GLIS3: variants seen among roughly 807,000 people sequenced by gnomAD.
The protein encoded by GLIS3 is GLIS family zinc finger 3.
GLIS3 carries 53 observed loss-of-function variants against 78.6 expected under a neutral mutation model. The ratio of observed to expected loss-of-function variants is 0.67; its 90% CI spans 0.54 to 0.85. GLIS3 has a LOEUF of 0.85. Ranked by LOEUF, GLIS3 falls within the 40% of genes least tolerant of loss-of-function variation. The pLI is 0.00. For missense variants in GLIS3, 1,703 were observed against 1,231.1 expected (o/e 1.38, Z -5.74); for synonymous variants, 684 against 509.9 (o/e 1.34, Z -4.60).
rs115064748 is a variant in GLIS3 at position 3,942,305 on chromosome 9, A to G, written c.1711-5116T>C. 9.2e-3 allele frequency among the ~76,000 whole-genome samples: 1,408 copies of G among 152,298 alleles called. 21 individuals carry two copies. Among genetic ancestry groups the G allele is most frequent in the African/African-American group, 0.033 (1,359 of 41,562 alleles). ...GGTACACACTTTCACAATTCCATCA[A>G]TTAAGACCAATTAATCCCATTAGTG... On this transcript the variant is annotated intron_variant, in intron 4 of 10. Transcript: ENST00000381971.
chr9:3,920,118 C>T (rs1824782741), intron 6 of GLIS3, among the ~76,000 whole-genome samples: 1 of 151,508 alleles, frequency 6.6e-6, no homozygotes, highest in Non-Finnish European at 1.5e-5. Context: ...ATTCTCCCGC[C>T]TCAGCCTCCT....
intron 2 of GLIS3, among the ~76,000 whole-genome samples, chr9:4,249,289 T>C (rs1339869924): frequency 6.6e-6 from 1 of 152,236 alleles, no homozygotes; most frequent in Non-Finnish European, 1.5e-5. Flanking sequence ...GTGTCCTCTC[T>C]TATTTCTTTG....
intron 4 of GLIS3, among the ~76,000 whole-genome samples, 196 bp downstream of exon 4, chr9:4,117,572 G>A (rs1041005172): frequency 1.3e-5 from 2 of 152,136 alleles, no homozygotes; most frequent in African/African-American, 2.4e-5. Flanking sequence ...TACCTTTGCA[G>A]AAGGAAATAT....
intron 4 of GLIS3, among the ~76,000 whole-genome samples, chr9:3,990,309 G>C (rs1236791913): frequency 6.6e-6 from 1 of 152,174 alleles, no homozygotes; most frequent in African/African-American, 2.4e-5. Flanking sequence ...GAGGAAGGGA[G>C]ATGCTAGCAA....
chr9:4,487,151 C>A, the GLIS3 span, among the ~76,000 whole-genome samples: 4 of 152,136 alleles, frequency 2.6e-5, no homozygotes, highest in Non-Finnish European at 5.9e-5. Flanking sequence ...AGGCACCCGC[C>A]ACCACGCCTG....
At chr9:4,296,932 T>G (rs559043596) in intron 1 of GLIS3, among the ~76,000 whole-genome samples, 119 of 139,202 alleles carry the variant, frequency 8.5e-4, no homozygotes, top group African/African-American at 3.1e-3. Context: ...AAAAAATGCA[T>G]ATAATCTAAC....
rs543716577 is a variant in GLIS3, at chr9:3,828,551, T to A, written c.2657-143A>T. The stretch of plus-strand genomic sequence containing the variant: ...GCCAGCCTGGGCCCTATAGTGAGTC[T>A]CTGTTTCCAGCGACCTTAGTGAGGG... On this transcript the variant is annotated intron_variant, in intron 10 of 10. Coordinates refer to ENST00000381971, the MANE Select transcript of GLIS3 (RefSeq NM_001042413.2). 4.8e-6 allele frequency: 5 copies of A among 1,048,222 alleles called. No homozygotes were observed. In the East Asian group the frequency reaches 7.7e-5, roughly 16 times the overall value. 64.9% of individuals were successfully genotyped at this position (1,048,222 alleles called of 1,614,324 possible). A position where few individuals can be genotyped will look rare whatever the true frequency, so the allele number is the denominator to read the frequency against.
At chr9:3,946,557 A>T (rs61094894) in intron 4 of GLIS3, among the ~76,000 whole-genome samples, 11,719 of 152,280 alleles carry the variant, frequency 0.077, 572 homozygotes, top group African/African-American at 0.13. Flanking sequence ...GTATCTTTAA[A>T]TATTTGAATA....
At chr9:4,241,667 TTTTTTTG>T (rs941269625) in intron 2 of GLIS3, among the ~76,000 whole-genome samples, 1 of 150,026 alleles carries the variant, frequency 6.7e-6, no homozygotes, top group Admixed American at 6.6e-5. Context: ...ACACTTGTGC[TTTTTTTG>T]TTTTTTGTTT....
At chr9:3,966,192 G>C (rs944816899) in intron 4 of GLIS3, among the ~76,000 whole-genome samples, 5 of 152,172 alleles carry the variant, frequency 3.3e-5, no homozygotes, top group Admixed American at 2.6e-4. Context: ...GGCACATACT[G>C]AATGCTCACT....
intron 2 of GLIS3, among the ~76,000 whole-genome samples, chr9:4,153,787 A>G (rs2380940): frequency 1.5e-4 from 23 of 152,244 alleles, no homozygotes; most frequent in Admixed American, 5.2e-4. Context: ...TGACTTGTAT[A>G]CATGTTCTGA....
chr9:4,238,761 G>A (rs1431093970), intron 2 of GLIS3, among the ~76,000 whole-genome samples: 2 of 152,014 alleles, frequency 1.3e-5, no homozygotes, highest in Non-Finnish European at 2.9e-5. Flanking sequence ...TCCAGAGTTG[G>A]CTTTAATTAA....
At chr9:4,489,607 A>C in the GLIS3 span, among the ~76,000 whole-genome samples, 6 of 152,152 alleles carry the variant, frequency 3.9e-5, no homozygotes, top group African/African-American at 1.4e-4. Context: ...AGCAACACCA[A>C]ATATATTTGG....
Position 4,118,672 on chromosome 9 carries a change from A to T in GLIS3, c.806T>A (p.Leu269Ter). Residue 269 changes from leucine to a stop codon, truncating the protein, a stop_gained, in exon 4 of 11, where the codon TTA (leucine) becomes TAA (stop). Coordinates refer to ENST00000381971, the MANE Select transcript of GLIS3 (RefSeq NM_001042413.2). LOFTEE classifies it high-confidence loss of function. The surrounding 1 kb of genome is among the most constrained non-coding windows in gnomAD (Gnocchi z 4.7). ...SMSSNSVSNS[L>*]PSYLFGTESS... ...TTCCGTGCCAAAAAGGTAGGATGGT[A>T]ATGAGTTAGAGACACTATTGCTGGA... is the stretch of plus-strand genomic sequence containing the variant. The T allele has an allele frequency of 6.2e-7, 1 of 1,614,158 alleles. No individual in the cohort carries two copies. Among genetic ancestry groups the T allele is most frequent in the Non-Finnish European group, 8.5e-7 (1 of 1,180,014 alleles).
At chr9:4,165,733 A>C (rs1179761485) in intron 2 of GLIS3, among the ~76,000 whole-genome samples, 1 of 152,200 alleles carries the variant, frequency 6.6e-6, no homozygotes, top group Non-Finnish European at 1.5e-5. Flanking sequence ...AGAACTACAA[A>C]TATACAGTTG....
At chr9:4,425,095 C>T in the GLIS3 span, among the ~76,000 whole-genome samples, 75 of 152,066 alleles carry the variant, frequency 4.9e-4, no homozygotes, top group African/African-American at 1.6e-3. Flanking sequence ...AAGCAGCCCC[C>T]GAAGTTTAGA....
At chr9:4,348,604 T>C (rs1335417385), upstream of GLIS3, among the ~76,000 whole-genome samples, 1 of 152,206 alleles carries the variant, frequency 6.6e-6, no homozygotes, top group Non-Finnish European at 1.5e-5. Context: ...CATTTAAATA[T>C]GGGTTATCTT....
At chr9:3,883,158 C>G (rs1432056083) in intron 7 of GLIS3, among the ~76,000 whole-genome samples, 1 of 152,202 alleles carries the variant, frequency 6.6e-6, no homozygotes, top group African/African-American at 2.4e-5. Context: ...TGGTCTCTGC[C>G]AATGATCCAC....
At chr9:4,318,380 C>T (rs1563931018) in intron 2 of GLIS3, among the ~76,000 whole-genome samples, 1 of 152,112 alleles carries the variant, frequency 6.6e-6, no homozygotes, top group African/African-American at 2.4e-5. Flanking sequence ...GAATACATCC[C>T]TCACTAAAAG....
Sources: gnomAD v4.1 joint callset for allele counts (sites outside exome capture counted in the v4.1 genomes callset) on GRCh38, gnomAD v4.1.1 for gene constraint, Gnocchi (gnomAD v3.1) non-coding constraint, MANE v1.5 for transcripts, NCBI Gene and HGNC (gene_info 2026-07-23, HGNC 2026-07-21) for gene names.